The following SEPTIN9 variants were observed in gnomAD, a reference collection of about 807,000 sequenced individuals.
The protein encoded by SEPTIN9 is septin 9.
In SEPTIN9, 13 loss-of-function variants were observed where a neutral mutation model predicts 56.6. The ratio of observed to expected loss-of-function variants is 0.23; its 90% CI spans 0.15 to 0.37. The LOEUF (loss-of-function observed/expected upper bound fraction) is 0.37. SEPTIN9 is among the 10% of genes least tolerant of loss of function. The probability of loss-of-function intolerance (pLI) is 1.00; values close to 1 mark genes in which losing one functional copy is unlikely to be tolerated. For missense variants in SEPTIN9, 650 were observed against 823.1 expected (o/e 0.79, Z 2.57); for synonymous variants, 332 against 334.1 (o/e 0.99, Z 0.07).
In SEPTIN9 at chr17:77,401,946, C is replaced by T. The variant is rs542400201; in HGVS notation, c.77-113C>T. 1.2e-3 allele frequency: 1,273 copies of T among 1,064,524 alleles called. 7 individuals carry two copies. The highest frequency in any genetic ancestry group is 1.6e-3 in the Non-Finnish European group (1,212 of 735,354). The allele number at this position is 1,064,524 out of a possible 1,614,324, so 65.9% of individuals were successfully genotyped here. On this transcript the variant is annotated intron_variant, in intron 2 of 11. Coordinates refer to ENST00000427177, the MANE Select transcript of SEPTIN9 (RefSeq NM_001113491.2). ...GACATGAAGGACGGGAAGAGACCCC[C>T]GGCCCTCACCGCCGCATCGCCTGCC... is the stretch of plus-strand genomic sequence containing the variant.
At chr17:77,428,763 T>G (rs1357359922) in intron 3 of SEPTIN9, among the ~76,000 whole-genome samples, 3 of 152,106 alleles carry the variant, frequency 2.0e-5, no homozygotes, top group African/African-American at 7.2e-5. Context: ...GAGGGCACAC[T>G]TCCCAGCTGG....
At chr17:77,293,768 C>T (rs1408890990) in intron 1 of SEPTIN9, among the ~76,000 whole-genome samples, 5 of 152,150 alleles carry the variant, frequency 3.3e-5, no homozygotes, top group Non-Finnish European at 7.3e-5. Flanking sequence ...ATTACTTCTT[C>T]AATATGATGA....
At chr17:77,411,487 C>T (rs954730624) in intron 3 of SEPTIN9, among the ~76,000 whole-genome samples, 4 of 151,258 alleles carry the variant, frequency 2.6e-5, no homozygotes, top group Admixed American at 1.3e-4. Flanking sequence ...CTCCACCTTT[C>T]GCCTTCCGCT....
intron 1 of SEPTIN9, among the ~76,000 whole-genome samples, chr17:77,301,936 C>A (rs2032071618): frequency 6.6e-6 from 1 of 152,152 alleles, no homozygotes; most frequent in Non-Finnish European, 1.5e-5. Flanking sequence ...CTGCTCTGCC[C>A]AGGGGTTCAG....
intron 2 of SEPTIN9, among the ~76,000 whole-genome samples, chr17:77,312,094 G>C (rs1013841919): frequency 1.3e-5 from 2 of 152,098 alleles, no homozygotes; most frequent in Non-Finnish European, 2.9e-5. Flanking sequence ...AGGCTGCCCC[G>C]GTCACGGTCA....
At chr17:77,387,429 C>G (rs1316296908) in intron 2 of SEPTIN9, among the ~76,000 whole-genome samples, 1 of 152,240 alleles carries the variant, frequency 6.6e-6, no homozygotes, top group Non-Finnish European at 1.5e-5. Flanking sequence ...CCTATTCCAA[C>G]TCCTGTCACA....
Position 77,433,921 on chromosome 17 carries a change from G to A in SEPTIN9, c.721+31218G>A, listed in dbSNP as rs1029750594. 6.6e-6 allele frequency among the ~76,000 whole-genome samples: 1 copy of A among 152,184 alleles called. No individual in the cohort carries two copies. The highest frequency in any genetic ancestry group is 1.5e-5 in the Non-Finnish European group (1 of 68,022). On this transcript the variant is annotated intron_variant, in intron 3 of 11. Coordinates refer to ENST00000427177, the MANE Select transcript of SEPTIN9 (RefSeq NM_001113491.2). This position sits in a 1 kb window ranked among gnomAD's most constrained non-coding sequence, Gnocchi z 6.4. ...CGCCCGTTGGTGGATGGGCAGAGAG[G>A]GGAGCTTGCTGTGGGGCCTCCCCCG...
At chr17:77,306,392 G>C (rs1189442861) in intron 1 of SEPTIN9, among the ~76,000 whole-genome samples, 4 of 152,002 alleles carry the variant, frequency 2.6e-5, no homozygotes, top group African/African-American at 9.7e-5. Flanking sequence ...TCCCAGGGCC[G>C]CTCCTCCTGG....
At chr17:77,482,983 C>T (rs981437858) in intron 4 of SEPTIN9, 8 of 177,428 alleles carry the variant, frequency 4.5e-5, no homozygotes, top group African/African-American at 1.7e-4. Context: ...AGAAGCGAGG[C>T]TCAGGGAAGG....
chr17:77,499,904 T>C lies in SEPTIN9; in HGVS notation c.*1246T>C, dbSNP rs1454426596. On this transcript the variant is annotated 3_prime_UTR_variant, in exon 12 of 12. Coordinates refer to ENST00000427177, the MANE Select transcript of SEPTIN9 (RefSeq NM_001113491.2). ...GAAAGGAGAGAACGGGCGTCAGGGGTGCACAGTCCACAGCTGAAGAGCAAG... is the reference window on the plus strand; with the variant it reads ...GAAAGGAGAGAACGGGCGTCAGGGGCGCACAGTCCACAGCTGAAGAGCAAG... The C allele has an allele frequency of 3.7e-6, 1 of 272,030 alleles. No individual in the cohort carries two copies. Among genetic ancestry groups the C allele is most frequent in the Admixed American group, 4.7e-5 (1 of 21,146 alleles). 16.9% of individuals were successfully genotyped at this position (272,030 alleles called of 1,614,324 possible).
chr17:77,328,563 A>G (rs993783748), intron 2 of SEPTIN9, among the ~76,000 whole-genome samples: 5 of 152,180 alleles, frequency 3.3e-5, no homozygotes, highest in Admixed American at 3.3e-4. Flanking sequence ...ATGGGGTTTC[A>G]CCATGTTGGT....
intron 1 of SEPTIN9, chr17:77,286,515 C>T (rs1014203869): frequency 3.9e-5 from 6 of 152,382 alleles, no homozygotes; most frequent in Admixed American, 3.9e-4. Context: ...GGGAGCCAAC[C>T]CTCTGCTTGG....
chr17:77,329,559 G>T lies in SEPTIN9; in HGVS notation c.76+22362G>T, dbSNP rs997494654. Among the ~76,000 whole-genome samples the T allele has an allele frequency of 6.6e-6, 1 of 152,150 alleles. No homozygotes were observed. Among genetic ancestry groups the T allele is most frequent in the Admixed American group, 6.5e-5 (1 of 15,280 alleles). ...TGGCAGCCTCAAGGCAGGAGCTGGGGTGTTGGAGGAGGAAGCACGCTCATC... is the reference window on the plus strand; with the variant it reads ...TGGCAGCCTCAAGGCAGGAGCTGGGTTGTTGGAGGAGGAAGCACGCTCATC... On this transcript the variant is annotated intron_variant, in intron 2 of 11. Transcript: ENST00000427177. This position sits in a 1 kb window ranked among gnomAD's most constrained non-coding sequence, Gnocchi z 4.3.
chr17:77,401,294 G>A (rs2035888595), intron 2 of SEPTIN9, among the ~76,000 whole-genome samples: 1 of 152,170 alleles, frequency 6.6e-6, no homozygotes, highest in South Asian at 2.1e-4. Context: ...TCATTGATGG[G>A]GTTTTGTTCC....
chr17:77,306,848 T>C (rs542297316), intron 1 of SEPTIN9, among the ~76,000 whole-genome samples: 12 of 152,308 alleles, frequency 7.9e-5, no homozygotes, highest in African/African-American at 2.6e-4. Flanking sequence ...GAAGTGACAC[T>C]CTGTGGAGAC....
At chr17:77,361,789 C>T (rs572558549) in intron 2 of SEPTIN9, among the ~76,000 whole-genome samples, 12 of 152,228 alleles carry the variant, frequency 7.9e-5, no homozygotes, top group Non-Finnish European at 1.3e-4. Context: ...CCTGCCACCG[C>T]GTCCGGCTAA....
chr17:77,426,547 C>G lies in SEPTIN9; in HGVS notation c.721+23844C>G, dbSNP rs57625899. Among the ~76,000 whole-genome samples the G allele has an allele frequency of 8.5e-3, 1,287 of 152,282 alleles. 22 individuals are homozygous for G. The highest frequency in any genetic ancestry group is 0.029 in the African/African-American group (1,208 of 41,564). On this transcript the variant is annotated intron_variant, in intron 3 of 11. Transcript: ENST00000427177. ...CTCAGCCCCTGTTCACTGCACCGGT[C>G]CCCTGGCCTGGCTGCTCCTGGAACA...
chr17:77,316,686 A>G (rs920448985), intron 2 of SEPTIN9, among the ~76,000 whole-genome samples: 3 of 151,004 alleles, frequency 2.0e-5, no homozygotes, highest in African/African-American at 7.3e-5. Context: ...AGTGAGGTTA[A>G]TGGGTTTTCT....
At chr17:77,297,575 C>T (rs1001751146) in intron 1 of SEPTIN9, among the ~76,000 whole-genome samples, 15 of 152,166 alleles carry the variant, frequency 9.9e-5, no homozygotes, top group African/African-American at 9.7e-5. Context: ...GTCTCCATCC[C>T]GTCTAAAGAA....
Sources: allele counts gnomAD v4.1 joint callset (sites outside exome capture counted in the v4.1 genomes callset), GRCh38; gene constraint gnomAD v4.1.1; non-coding constraint Gnocchi (gnomAD v3.1); transcripts MANE v1.5; gene names NCBI Gene and HGNC (gene_info 2026-07-23, HGNC 2026-07-21).